Variants in ADAMTSL3 observed in about 807,000 individuals in gnomAD.
The protein encoded by ADAMTSL3 is ADAMTS-like protein 3.
A neutral mutation model predicts 201.7 loss-of-function variants in ADAMTSL3; 128 were observed. The observed-to-expected ratio is 0.63, with a 90% CI of 0.55 to 0.73. The LOEUF (loss-of-function observed/expected upper bound fraction) is 0.73, where lower values mean the gene tolerates loss of function less well. Among genes scored for constraint, ADAMTSL3 ranks in the 30% least tolerant of loss-of-function variants. The pLI, the probability that ADAMTSL3 is intolerant of heterozygous loss-of-function variation, is 0.00. For synonymous variants in ADAMTSL3, 738 were observed against 748.4 expected (o/e 0.99, Z 0.23); for missense variants, 1,990 against 2,119.6 (o/e 0.94, Z 1.20).
chr15:83,837,940 A>T, intron 6 of ADAMTSL3, 149 bp from the exon 7 acceptor site: 1 of 914,124 alleles, frequency 1.1e-6, no homozygotes, highest in Non-Finnish European at 1.6e-6. Context: ...GTAAGACATT[A>T]TATTATTTAG....
chr15:83,826,434 TC>T (rs1225245031), intron 6 of ADAMTSL3, among the ~76,000 whole-genome samples: 1 of 117,074 alleles, frequency 8.5e-6, no homozygotes, highest in Non-Finnish European at 1.7e-5. Flanking sequence ...TGGAAGCAGA[TC>T]TTTTTTTTTT....
chr15:83,823,890 T>C (rs1252704135), intron 6 of ADAMTSL3, among the ~76,000 whole-genome samples: 2 of 95,976 alleles, frequency 2.1e-5, no homozygotes, highest in Non-Finnish European at 3.8e-5. Flanking sequence ...CTTCTTCTTC[T>C]TCCTCTTCTT....
intron 12 of ADAMTSL3, among the ~76,000 whole-genome samples, chr15:83,892,138 C>A (rs1449442979): frequency 9.2e-5 from 14 of 152,044 alleles, no homozygotes; most frequent in Admixed American, 5.9e-4. Flanking sequence ...ATAGCTTGAA[C>A]CCAGGAGGCA....
intron 3 of ADAMTSL3, among the ~76,000 whole-genome samples, chr15:83,718,421 A>G (rs1033813908): frequency 6.6e-6 from 1 of 152,178 alleles, no homozygotes. Context: ...GGACAATTTG[A>G]AGCCAGGCGC....
At chr15:84,005,504 A>G (rs1352399473) in intron 23 of ADAMTSL3, among the ~76,000 whole-genome samples, 2 of 152,188 alleles carry the variant, frequency 1.3e-5, no homozygotes, top group Non-Finnish European at 2.9e-5. Flanking sequence ...TCAAGGAACT[A>G]CTGAAGGTTT....
In ADAMTSL3 at chr15:83,942,976, T is replaced by G; in HGVS notation, c.2384T>G (p.Phe795Cys). Residue 795 changes from phenylalanine (F) to cysteine (C), a missense_variant, in exon 19 of 30, where the codon TTT (phenylalanine) becomes TGT (cysteine). Transcript: ENST00000286744. Reference sequence around the variant, plus strand: ...CGGCAGCTGCTAACGGATGGCAGCTTTTTGAATCTCTCAGATGAATTGTGC... The same window carrying G: ...CGGCAGCTGCTAACGGATGGCAGCTGTTTGAATCTCTCAGATGAATTGTGC... ...TCRQLLTDGS[F>C]LNLSDELCQG... 6.2e-7 allele frequency: 1 copy of G among 1,614,080 alleles called. No individual in the cohort carries two copies. Among genetic ancestry groups the G allele is most frequent in the Non-Finnish European group, 8.5e-7 (1 of 1,179,964 alleles).
At chr15:83,719,277 C>G (rs2141568138) in intron 3 of ADAMTSL3, among the ~76,000 whole-genome samples, 1 of 152,268 alleles carries the variant, frequency 6.6e-6, no homozygotes, top group South Asian at 2.1e-4. Flanking sequence ...GGAAACTTTA[C>G]AGGACAAACA....
chr15:83,720,522 C>T (rs923884101), intron 3 of ADAMTSL3, among the ~76,000 whole-genome samples: 6 of 152,088 alleles, frequency 3.9e-5, no homozygotes, highest in East Asian at 3.9e-4. Context: ...AAAGCATCCC[C>T]GTGATACTTC....
rs752520410 is a variant in ADAMTSL3, at chr15:83,991,183, A to T, written c.3942A>T (p.Gly1314=). The change falls in exon 23 of 30, where the codon GGA becomes GGT. Residue 1314 remains glycine (G), a synonymous_variant. Coordinates refer to ENST00000286744, the MANE Select transcript of ADAMTSL3 (RefSeq NM_207517.3). ...VVGGIVEAAL[G]ANVTIRCPVK... is the part of the protein sequence containing the mutation. ...GAGGCATCGTGGAGGCAGCCCTTGG[A>T]GCAAACGTGACAATCCGATGTCCTG... 31 of 1,614,066 alleles carry T rather than the reference A, an allele frequency of 1.9e-5. No individual in the cohort carries two copies. The highest frequency in any genetic ancestry group is 5.0e-5 in the Admixed American group (3 of 60,000).
chr15:83,859,703 ACC>A (rs2064816336), intron 8 of ADAMTSL3, among the ~76,000 whole-genome samples: 1 of 152,030 alleles, frequency 6.6e-6, no homozygotes. Flanking sequence ...CCTGTTGGGT[ACC>A]CCCAACTATT....
chr15:83,659,070 T>A (rs2061130153), intron 2 of ADAMTSL3, among the ~76,000 whole-genome samples: 1 of 152,152 alleles, frequency 6.6e-6, no homozygotes, highest in Admixed American at 6.5e-5. Context: ...TGTTTGCCCC[T>A]CGGGAGGTGC....
intron 8 of ADAMTSL3, among the ~76,000 whole-genome samples, chr15:83,864,621 A>G (rs111805935): frequency 1.3e-5 from 2 of 152,186 alleles, no homozygotes; most frequent in Non-Finnish European, 2.9e-5. Flanking sequence ...TCTCAAAATA[A>G]TAAGAGCTAT....
At chr15:83,882,000 C>G (rs1555456228) in intron 9 of ADAMTSL3, among the ~76,000 whole-genome samples, 1 of 151,576 alleles carries the variant, frequency 6.6e-6, no homozygotes, top group Non-Finnish European at 1.5e-5. Flanking sequence ...AAAAAAAATA[C>G]AAAAAATTAG....
At chr15:83,744,128 G>C (rs2062504488) in intron 3 of ADAMTSL3, among the ~76,000 whole-genome samples, 1 of 152,084 alleles carries the variant, frequency 6.6e-6, no homozygotes, top group South Asian at 2.1e-4. Flanking sequence ...GGGATTATAG[G>C]CGTGAGCCAC....
intron 20 of ADAMTSL3, among the ~76,000 whole-genome samples, chr15:83,978,012 AACCAGC>A (rs2067316132): frequency 6.6e-6 from 1 of 152,240 alleles, no homozygotes. Flanking sequence ...GAGGAGTGGA[AACCAGC>A]ACCAGCCCAG....
intron 16 of ADAMTSL3, among the ~76,000 whole-genome samples, chr15:83,916,894 T>C (rs2066044237): frequency 6.6e-6 from 1 of 152,358 alleles, no homozygotes; most frequent in Admixed American, 6.5e-5. Context: ...ATAGAACATA[T>C]TCTTTGCCTT....
chr15:83,792,001 A>G (rs1329480243), intron 4 of ADAMTSL3, among the ~76,000 whole-genome samples: 1 of 152,238 alleles, frequency 6.6e-6, no homozygotes, highest in Non-Finnish European at 1.5e-5. Context: ...CCCAAAAGCC[A>G]GAAAAATATG....
At chr15:83,754,050 C>A (rs1272447722) in intron 3 of ADAMTSL3, among the ~76,000 whole-genome samples, 2 of 152,166 alleles carry the variant, frequency 1.3e-5, no homozygotes, top group African/African-American at 4.8e-5. Flanking sequence ...GGTTTCTCCA[C>A]CTCACCACTG....
chr15:83,721,731 T>G (rs1050196866), intron 3 of ADAMTSL3, among the ~76,000 whole-genome samples: 1 of 151,988 alleles, frequency 6.6e-6, no homozygotes, highest in Non-Finnish European at 1.5e-5. Flanking sequence ...TTTATGTGTT[T>G]TGTTTGTTTG....
Sources: gnomAD v4.1 joint callset for allele counts (sites outside exome capture counted in the v4.1 genomes callset) on GRCh38, gnomAD v4.1.1 for gene constraint, MANE v1.5 for transcripts, NCBI Gene and HGNC (gene_info 2026-07-23, HGNC 2026-07-21) for gene names.